Variants in NRG1 observed in about 807,000 individuals in gnomAD.
NRG1 encodes pro-neuregulin-1, membrane-bound isoform.
A neutral mutation model predicts 63.8 loss-of-function variants in NRG1; 18 were observed. That is an observed-to-expected ratio of 0.28 (90% confidence interval 0.19 to 0.42). NRG1 has a LOEUF of 0.42. NRG1 is among the 10% of genes least tolerant of loss of function. The probability of loss-of-function intolerance (pLI) is 1.00; values close to 1 mark genes in which losing one functional copy is unlikely to be tolerated. For synonymous variants in NRG1, 302 were observed against 301.3 expected (o/e 1.00, Z -0.02); for missense variants, 762 against 814.7 (o/e 0.94, Z 0.79).
intron 1 of NRG1, among the ~76,000 whole-genome samples, chr8:32,344,393 T>TTTCTCTTTC (rs1586939880): frequency 7.8e-5 from 11 of 140,434 alleles, no homozygotes; most frequent in East Asian, 6.4e-4. Flanking sequence ...TCTTTCTTTC[T>TTTCTCTTTC]TTTTTGTGCA....
intron 1 of NRG1, among the ~76,000 whole-genome samples, chr8:31,968,725 C>A (rs1586152502): frequency 6.6e-6 from 1 of 152,132 alleles, no homozygotes; most frequent in African/African-American, 2.4e-5. Flanking sequence ...TTCTATTTCT[C>A]ATGGTTTTTT....
intron 1 of NRG1, among the ~76,000 whole-genome samples, chr8:32,342,610 C>T (rs983910712): frequency 2.0e-5 from 3 of 152,198 alleles, no homozygotes; most frequent in Non-Finnish European, 4.4e-5. Flanking sequence ...GAAAAGACCA[C>T]TCTCACCTTT....
At chr8:32,438,259 C>T (rs112608625) in intron 1 of NRG1, among the ~76,000 whole-genome samples, 153 of 152,248 alleles carry the variant, frequency 1.0e-3, no homozygotes, top group African/African-American at 3.5e-3. Context: ...TAAATGGAAC[C>T]ATAGAGTATA....
chr8:32,144,407 G>A (rs988211032), intron 1 of NRG1, among the ~76,000 whole-genome samples: 1 of 151,888 alleles, frequency 6.6e-6, no homozygotes, highest in Non-Finnish European at 1.5e-5. Context: ...GTGTGTGTAT[G>A]TGTTGGAGAA....
chr8:32,624,138 A>G (rs1432549744), intron 5 of NRG1, among the ~76,000 whole-genome samples: 1 of 152,334 alleles, frequency 6.6e-6, no homozygotes, highest in East Asian at 1.9e-4. Context: ...ACTTGTCCCA[A>G]GTCAAAGAAC....
intron 1 of NRG1, among the ~76,000 whole-genome samples, chr8:31,877,601 A>T: frequency 6.6e-6 from 1 of 152,198 alleles, no homozygotes; most frequent in South Asian, 2.1e-4. Context: ...TCTATAAAGT[A>T]CTCTAGAGGC....
chr8:32,294,199 T>C (rs1854568720), intron 1 of NRG1, among the ~76,000 whole-genome samples: 1 of 151,986 alleles, frequency 6.6e-6, no homozygotes, highest in Non-Finnish European at 1.5e-5. Flanking sequence ...GCTGGTTACC[T>C]TTCCTTTCCC....
chr8:32,091,811 G>A (rs940146037), intron 1 of NRG1, among the ~76,000 whole-genome samples: 5 of 152,128 alleles, frequency 3.3e-5, no homozygotes, highest in African/African-American at 4.8e-5. Context: ...AACCAGGGCT[G>A]GTGCAGAGCC....
chr8:31,957,435 A>C (rs1336793948), intron 1 of NRG1, among the ~76,000 whole-genome samples: 1 of 152,148 alleles, frequency 6.6e-6, no homozygotes, highest in African/African-American at 2.4e-5. Context: ...TATGTTGCCT[A>C]TTTAGTCTGT....
At chr8:32,410,903 G>A (rs1479279889) in intron 1 of NRG1, among the ~76,000 whole-genome samples, 24 of 148,432 alleles carry the variant, frequency 1.6e-4, no homozygotes, top group Admixed American at 1.6e-3. Flanking sequence ...TTGAGATGGA[G>A]CCTTGCTCTG....
chr8:31,812,802 A>G (rs1341707551), intron 1 of NRG1, among the ~76,000 whole-genome samples: 1 of 152,204 alleles, frequency 6.6e-6, no homozygotes, highest in Non-Finnish European at 1.5e-5. Flanking sequence ...TTGAAATGTA[A>G]AGCAGATATC....
chr8:32,698,355 C>T (rs555305834), intron 5 of NRG1, among the ~76,000 whole-genome samples: 7 of 152,186 alleles, frequency 4.6e-5, no homozygotes, highest in East Asian at 1.9e-4. Flanking sequence ...TCAAGAAATA[C>T]GTATTAGTCA....
At chr8:31,846,259 A>G (rs1826678936) in intron 1 of NRG1, among the ~76,000 whole-genome samples, 1 of 152,214 alleles carries the variant, frequency 6.6e-6, no homozygotes, top group South Asian at 2.1e-4. Flanking sequence ...CTCGATGAGG[A>G]TGCTGTTTGG....
chr8:32,174,630 T>TA (rs1283264470), intron 1 of NRG1, among the ~76,000 whole-genome samples: 17 of 151,874 alleles, frequency 1.1e-4, no homozygotes, highest in Non-Finnish European at 2.2e-4. Flanking sequence ...ATAGATGCAA[T>TA]AAAAAATGAT....
chr8:32,344,376 T>TTTTCTTTCTTTCTTTCTTTCTTCC (rs1804518385), intron 1 of NRG1, among the ~76,000 whole-genome samples: 1 of 131,392 alleles, frequency 7.6e-6, no homozygotes, highest in South Asian at 2.7e-4. Context: ...CTTTCTTTCT[T>TTTTCTTTCTTTCTTTCTTTCTTCC]TCTTTCTCTT....
chr8:31,650,841 A>G (rs897278423), intron 1 of NRG1, among the ~76,000 whole-genome samples: 2 of 152,226 alleles, frequency 1.3e-5, no homozygotes, highest in Non-Finnish European at 2.9e-5. Context: ...TCGAGTCAGA[A>G]GAATCCTTTC....
Position 32,071,431 on chromosome 8 carries a change from A to G in NRG1, c.37+432000A>G, listed in dbSNP as rs574989646. On this transcript the variant is annotated intron_variant, in intron 1 of 10. Transcript: ENST00000519301. ...GATCTTCTCAGTTTTCTTGTCAAAG[A>G]CTGTTTCTAAAGATTTGCATGAGCT... 9.9e-5 allele frequency among the ~76,000 whole-genome samples: 15 copies of G among 152,278 alleles called. No individual in the cohort carries two copies. The East Asian group carries it at 2.9e-3, about 29-fold the overall frequency.
Position 32,035,069 on chromosome 8 carries a change from C to T in NRG1, c.37+395638C>T, listed in dbSNP as rs118179846. ...TCAATTTGAGATTTTTCTAGCTTTT[C>T]AATGTGGGCATTTAGTGGTATACAT... On this transcript the variant is annotated intron_variant, in intron 1 of 10. Transcript: ENST00000519301. Among the ~76,000 whole-genome samples, 1,362 of 152,076 alleles carry T rather than the reference C, an allele frequency of 9.0e-3. 2 individuals are homozygous for T. The highest frequency in any genetic ancestry group is 0.014 in the Non-Finnish European group (930 of 67,946).
intron 1 of NRG1, among the ~76,000 whole-genome samples, chr8:32,498,870 C>T (rs1419217037): frequency 6.6e-6 from 1 of 152,166 alleles, no homozygotes; most frequent in East Asian, 1.9e-4. Flanking sequence ...AGAACTGTTC[C>T]TGCATCCATT....
Sources: allele counts gnomAD v4.1 joint callset (sites outside exome capture counted in the v4.1 genomes callset), GRCh38; gene constraint gnomAD v4.1.1; transcripts MANE v1.5; gene names NCBI Gene and HGNC (gene_info 2026-07-23, HGNC 2026-07-21).